The following LRRC3B variants were observed in gnomAD, a reference collection of about 807,000 sequenced individuals.
The protein encoded by LRRC3B is leucine-rich repeat-containing protein 3B.
Under a neutral mutation model 12.8 loss-of-function variants are expected in LRRC3B, and 2 were observed. The ratio of observed to expected loss-of-function variants is 0.16; its 90% CI spans 0.06 to 0.49. The LOEUF is 0.49. Ranked by LOEUF, LRRC3B falls within the 20% of genes least tolerant of loss-of-function variation. The pLI, the probability that LRRC3B is intolerant of heterozygous loss-of-function variation, is 0.96. For synonymous variants in LRRC3B, 132 were observed against 122.0 expected (o/e 1.08, Z -0.54); for missense variants, 189 against 319.4 (o/e 0.59, Z 3.11).
At chr3:26,630,483 TG>T (rs1353083985) in intron 1 of LRRC3B, among the ~76,000 whole-genome samples, 12 of 148,784 alleles carry the variant, frequency 8.1e-5, no homozygotes, top group African/African-American at 2.7e-4. Flanking sequence ...TACATAATAA[TG>T]CCTCTATAAC....
At chr3:26,700,747 T>C (rs1263933389) in intron 1 of LRRC3B, among the ~76,000 whole-genome samples, 1 of 152,184 alleles carries the variant, frequency 6.6e-6, no homozygotes, top group East Asian at 1.9e-4. Context: ...AAATGGTGTA[T>C]GGTGCCATGT....
chr3:26,643,962 G>A (rs565343162), intron 1 of LRRC3B, among the ~76,000 whole-genome samples: 2 of 152,320 alleles, frequency 1.3e-5, no homozygotes, highest in South Asian at 2.1e-4. Flanking sequence ...TACGCACAAA[G>A]AGCAATTTGA....
At chr3:26,645,461 T>G (rs1699122948) in intron 1 of LRRC3B, among the ~76,000 whole-genome samples, 1 of 152,166 alleles carries the variant, frequency 6.6e-6, no homozygotes, top group African/African-American at 2.4e-5. Flanking sequence ...GATTCTAGAT[T>G]GCATAGACTT....
At position 26,645,108 on chromosome 3, in the gene LRRC3B, AT is replaced by A. The variant is rs1183381778; in HGVS notation, c.-161+21873del. Among the ~76,000 whole-genome samples, 7 of 152,332 alleles carry A rather than the reference AT, an allele frequency of 4.6e-5. No individual in the cohort carries two copies. The South Asian group carries it at 6.2e-4, about 14-fold the overall frequency. On this transcript the variant is annotated intron_variant, in intron 1 of 1. Transcript: ENST00000396641. ...GGTCAATCCAGAGTGTTTATTTGCA[AT>A]TCTCACAACTATTCAGTAGACTTAG...
chr3:26,625,530 A>G, intron 1 of LRRC3B: 1 of 152,230 alleles, frequency 6.6e-6, no homozygotes. Flanking sequence ...CTAGACTTGA[A>G]ACTCGCACTC....
chr3:26,658,770 G>T (rs1433470717), intron 1 of LRRC3B, among the ~76,000 whole-genome samples: 1 of 152,238 alleles, frequency 6.6e-6, no homozygotes, highest in East Asian at 1.9e-4. Flanking sequence ...CTAGGTCATT[G>T]TGAGTTTGCA....
rs1413581415 is a variant in LRRC3B at position 26,691,077 on chromosome 3, ATG to A, written c.-160-18426_-160-18425del. 6.2e-5 allele frequency among the ~76,000 whole-genome samples: 8 copies of A among 128,886 alleles called. No individual in the cohort carries two copies. In the South Asian group the frequency reaches 7.8e-4, roughly 13 times the overall value. 84.6% of individuals were successfully genotyped at this position (128,886 alleles called of 152,430 possible). ...TATGTACATACATATATATATGTAT[ATG>A]TGTGTGTGTATATGTGTGTGTGTGT... On this transcript the variant is annotated intron_variant, in intron 1 of 1. Transcript: ENST00000396641.
chr3:26,659,036 GAACTT>G (rs1699436788), intron 1 of LRRC3B, among the ~76,000 whole-genome samples: 1 of 152,144 alleles, frequency 6.6e-6, no homozygotes. Context: ...TGGATATTGG[GAACTT>G]AACTTTACAA....
chr3:26,668,345 T>C (rs1699651722), intron 1 of LRRC3B, among the ~76,000 whole-genome samples: 1 of 152,062 alleles, frequency 6.6e-6, no homozygotes, highest in Admixed American at 6.6e-5. Flanking sequence ...AGCTTAGTGG[T>C]GCAGGATCAG....
chr3:26,641,989 CAT>C (rs769547405), intron 1 of LRRC3B, among the ~76,000 whole-genome samples: 1 of 152,106 alleles, frequency 6.6e-6, no homozygotes, highest in East Asian at 1.9e-4. Context: ...AAGCCTATCA[CAT>C]GTTAACATGA....
At chr3:26,629,873 C>A (rs1314950035) in intron 1 of LRRC3B, among the ~76,000 whole-genome samples, 2 of 149,876 alleles carry the variant, frequency 1.3e-5, no homozygotes. Context: ...GGTGTGTGGC[C>A]AGCCAAGTCA....
At chr3:26,632,873 G>A (rs562189458) in intron 1 of LRRC3B, among the ~76,000 whole-genome samples, 81 of 151,970 alleles carry the variant, frequency 5.3e-4, no homozygotes, top group Non-Finnish European at 1.0e-3. Flanking sequence ...TGGTGTGTTC[G>A]AACTGGCCTG....
intron 1 of LRRC3B, among the ~76,000 whole-genome samples, chr3:26,667,941 T>C (rs1288171841): frequency 6.6e-6 from 1 of 151,938 alleles, no homozygotes; most frequent in Non-Finnish European, 1.5e-5. Flanking sequence ...ATTTTATTAT[T>C]ATTATACTTT....
chr3:26,665,109 T>C (rs908988577), intron 1 of LRRC3B, among the ~76,000 whole-genome samples: 4 of 151,856 alleles, frequency 2.6e-5, no homozygotes, highest in Admixed American at 2.0e-4. Context: ...CACTACAGAA[T>C]CTGCTGTATT....
rs186353461 is a variant in LRRC3B, at chr3:26,681,865, G to C, written c.-160-27648G>C. 2.1e-3 allele frequency among the ~76,000 whole-genome samples: 327 copies of C among 152,176 alleles called. 2 individuals are homozygous for C. Among genetic ancestry groups the C allele is most frequent in the South Asian group, 2.5e-3 (12 of 4,818 alleles). On this transcript the variant is annotated intron_variant, in intron 1 of 1. Coordinates refer to ENST00000396641, the Ensembl canonical transcript of LRRC3B. ...TAGGGAATACATTCCAAAACCCCCA[G>C]CAGATGCCTGAAGCCATGAATAGTA...
At chr3:26,634,507 A>G (rs572342978) in intron 1 of LRRC3B, among the ~76,000 whole-genome samples, 28 of 152,316 alleles carry the variant, frequency 1.8e-4, no homozygotes, top group African/African-American at 6.0e-4. Context: ...TGTGTCAAAG[A>G]TCCAGCTAAG....
intron 1 of LRRC3B, among the ~76,000 whole-genome samples, chr3:26,698,903 C>T (rs1041515523): frequency 6.6e-6 from 1 of 151,936 alleles, no homozygotes; most frequent in African/African-American, 2.4e-5. Flanking sequence ...TCAAATTTCC[C>T]CCAGTTGTTC....
At chr3:26,657,565 C>G (rs1336380775) in intron 1 of LRRC3B, among the ~76,000 whole-genome samples, 1 of 152,156 alleles carries the variant, frequency 6.6e-6, no homozygotes, top group Non-Finnish European at 1.5e-5. Flanking sequence ...AGTCACTTCT[C>G]TGAGTTGATG....
rs1699036245 is a variant in LRRC3B at position 26,641,770 on chromosome 3, A to C, written c.-161+18533A>C. 3.3e-5 allele frequency among the ~76,000 whole-genome samples: 5 copies of C among 152,048 alleles called. No homozygotes were observed. The South Asian group carries it at 1.0e-3, about 32-fold the overall frequency. On this transcript the variant is annotated intron_variant, in intron 1 of 1. Coordinates refer to ENST00000396641, the Ensembl canonical transcript of LRRC3B. Reference sequence around the variant, plus strand: ...TAGATTTTCTTTAAAAAAATTAATAAATTTAAAAAAATCAAATTTTTAAAA... The same window carrying C: ...TAGATTTTCTTTAAAAAAATTAATACATTTAAAAAAATCAAATTTTTAAAA...
Sources: allele counts gnomAD v4.1 joint callset (sites outside exome capture counted in the v4.1 genomes callset), GRCh38; gene constraint gnomAD v4.1.1; transcripts MANE v1.5; gene names NCBI Gene and HGNC (gene_info 2026-07-23, HGNC 2026-07-21).